SPHKAP: variants seen among roughly 807,000 people sequenced by gnomAD.
SPHKAP encodes the protein SPHK1 interactor, AKAP domain containing, also known as A-kinase anchor protein SPHKAP.
Under a neutral mutation model 137.5 loss-of-function variants are expected in SPHKAP, and 67 were observed. The ratio of observed to expected loss-of-function variants is 0.49; its 90% CI spans 0.40 to 0.60. The LOEUF (loss-of-function observed/expected upper bound fraction) is 0.60, where lower values mean the gene tolerates loss of function less well. Ranked by LOEUF, SPHKAP falls within the 20% of genes least tolerant of loss-of-function variation. The probability of loss-of-function intolerance (pLI) is 0.00; values close to 1 mark genes in which losing one functional copy is unlikely to be tolerated. For synonymous variants in SPHKAP, 813 were observed against 785.3 expected (o/e 1.04, Z -0.59); for missense variants, 2,097 against 2,069.3 (o/e 1.01, Z -0.26).
chr2:228,091,342 T>C (rs748436313), intron 3 of SPHKAP, among the ~76,000 whole-genome samples: 1 of 152,192 alleles, frequency 6.6e-6, no homozygotes, highest in Non-Finnish European at 1.5e-5. Context: ...AAACCCGTTC[T>C]AGACATTGGC....
At chr2:228,040,825 G>A (rs1695809247) in intron 3 of SPHKAP, among the ~76,000 whole-genome samples, 1 of 152,050 alleles carries the variant, frequency 6.6e-6, no homozygotes, top group African/African-American at 2.4e-5. Flanking sequence ...CATTTCATTT[G>A]AATCGAGGAT....
chr2:227,981,829 T>G lies in SPHKAP; in HGVS notation c.4991A>C (p.Lys1664Thr). ...FLDVVQLVHR[K>T]SWKVGDIFHA... The stretch of plus-strand genomic sequence containing the variant: ...GAAGATATCACCCACTTTCCAGGAC[T>G]TCCGATGAACCAGCTGCACGACATC... Residue 1664 changes from lysine to threonine, a missense_variant, in exon 12 of 12, where the codon AAG becomes ACG. Physicochemically the swap from Lys to Thr is moderately conservative, Grantham distance 78. Transcript: ENST00000392056. 6.2e-7 allele frequency: 1 copy of G among 1,613,710 alleles called. No homozygotes were observed. The highest frequency in any genetic ancestry group is 8.5e-7 in the Non-Finnish European group (1 of 1,179,752).
chr2:227,996,015 C>A, intron 7 of SPHKAP: 1 of 985,370 alleles, frequency 1.0e-6, no homozygotes, highest in Non-Finnish European at 1.2e-6. Context: ...AAAGAAGATA[C>A]ACAAAGCATT....
In SPHKAP at chr2:228,063,227, CCTGT is replaced by C. The variant is rs796323552; in HGVS notation, c.247-35688_247-35685del. ...ATCTATCTATTTACCTGTCTATCTA[CCTGT>C]CTATCTACCTACCTATCTGCCATTC... On this transcript the variant is annotated intron_variant, in intron 3 of 11. Transcript: ENST00000392056. Among the ~76,000 whole-genome samples the C allele has an allele frequency of 2.1e-4, 32 of 151,600 alleles. 1 individual carries two copies. The highest frequency in any genetic ancestry group is 7.5e-4 in the African/African-American group (31 of 41,282).
intron 2 of SPHKAP, among the ~76,000 whole-genome samples, chr2:228,114,272 A>C (rs10182542): frequency 0.34 from 52,338 of 152,046 alleles, 9,284 homozygotes; most frequent in East Asian, 0.5. Context: ...TTTGCTCTAC[A>C]TTACAGTTAC....
chr2:228,122,072 A>G (rs1406865464), intron 2 of SPHKAP, among the ~76,000 whole-genome samples: 1 of 152,110 alleles, frequency 6.6e-6, no homozygotes, highest in Non-Finnish European at 1.5e-5. Flanking sequence ...ACCGAAAGAT[A>G]AAAAGGAGAA....
chr2:228,019,979 T>TTTG lies in SPHKAP; in HGVS notation c.872_874dup (p.Thr291dup). ...ATCTAGACTCTGCAAGGCTGTGTTC[T>TTTG]TTGTTAGGTTTTCTGGAGATCGTTC... is the stretch of plus-strand genomic sequence containing the variant. On this transcript the variant is annotated inframe_insertion, in exon 7 of 12. Transcript: ENST00000392056. 6.2e-7 allele frequency: 1 copy of TTTG among 1,614,242 alleles called. No homozygotes were observed. Among genetic ancestry groups the TTTG allele is most frequent in the Non-Finnish European group, 8.5e-7 (1 of 1,180,042 alleles).
intron 1 of SPHKAP, among the ~76,000 whole-genome samples, chr2:228,140,800 A>ACAC (rs1383188206): frequency 6.6e-6 from 1 of 151,742 alleles, no homozygotes; most frequent in Admixed American, 6.6e-5. Context: ...AAAGTGGATG[A>ACAC]CACCCCCCTC....
chr2:228,091,986 C>A (rs1036564051), intron 3 of SPHKAP, among the ~76,000 whole-genome samples: 4 of 151,780 alleles, frequency 2.6e-5, no homozygotes, highest in African/African-American at 4.8e-5. Context: ...TACAGCAGCA[C>A]AATTCTCAGT....
intron 3 of SPHKAP, among the ~76,000 whole-genome samples, chr2:228,060,553 G>T (rs144048764): frequency 1.7e-3 from 255 of 152,270 alleles, no homozygotes; most frequent in African/African-American, 5.7e-3. Context: ...TTAATAATTG[G>T]ATACATTTTC....
chr2:228,035,483 T>C (rs1695550954), intron 3 of SPHKAP, among the ~76,000 whole-genome samples: 1 of 151,980 alleles, frequency 6.6e-6, no homozygotes, highest in Non-Finnish European at 1.5e-5. Context: ...TTCAATGCCA[T>C]CCCCATCAAG....
intron 3 of SPHKAP, among the ~76,000 whole-genome samples, chr2:228,040,917 G>T (rs994866623): frequency 1.3e-5 from 2 of 152,170 alleles, no homozygotes; most frequent in Admixed American, 1.3e-4. Context: ...TTAAAGAACT[G>T]CTAGTAGCAA....
chr2:228,145,626 A>T (rs2106392120), intron 1 of SPHKAP, among the ~76,000 whole-genome samples: 1 of 152,240 alleles, frequency 6.6e-6, no homozygotes, highest in South Asian at 2.1e-4. Flanking sequence ...AATTCCCATC[A>T]TGAATGCATT....
intron 2 of SPHKAP, among the ~76,000 whole-genome samples, chr2:228,121,116 C>G (rs999946568): frequency 2.6e-5 from 4 of 152,128 alleles, no homozygotes; most frequent in African/African-American, 4.8e-5. Flanking sequence ...ATGCAAAGTA[C>G]AGGTAGTGAA....
At chr2:227,995,769 T>G in intron 7 of SPHKAP, 75 bp from the exon 8 acceptor site, 1 of 1,422,410 alleles carries the variant, frequency 7.0e-7, no homozygotes, top group Non-Finnish European at 9.2e-7. Context: ...AGAGCCACTT[T>G]GTAGAGTCCC....
At position 228,169,881 on chromosome 2, in the gene SPHKAP, G is replaced by C. The variant is rs13010785; in HGVS notation, c.32+11686C>G. ...TAAAAAAAATTACAAGGGTATAGTT[G>C]CCATACATAGTGATTCCTCTGATGG... On this transcript the variant is annotated intron_variant, in intron 1 of 11. Transcript: ENST00000392056. 7.6e-3 allele frequency: 1,149 copies of C among 152,028 alleles called. 6 individuals are homozygous for C. The highest frequency in any genetic ancestry group is 9.4e-3 in the Non-Finnish European group (637 of 67,974). The allele number at this position is 152,028 out of a possible 1,614,324, so 9.4% of individuals were successfully genotyped here. A position where few individuals can be genotyped will look rare whatever the true frequency, so the allele number is the denominator to read the frequency against.
At chr2:228,132,690 T>C (rs547233920) in intron 1 of SPHKAP, 1 of 156,676 alleles carries the variant, frequency 6.4e-6, no homozygotes, top group African/African-American at 2.4e-5. Context: ...CAGAGCTGCA[T>C]AAATATTTTA....
chr2:227,998,482 C>G (rs1693720229), intron 7 of SPHKAP, among the ~76,000 whole-genome samples: 1 of 151,946 alleles, frequency 6.6e-6, no homozygotes. Context: ...AAACAAAAAG[C>G]AACAGCATAT....
At chr2:228,173,833 A>G (rs1263036525) in intron 1 of SPHKAP, among the ~76,000 whole-genome samples, 2 of 152,224 alleles carry the variant, frequency 1.3e-5, no homozygotes, top group East Asian at 1.9e-4. Flanking sequence ...TGTTTTTTGA[A>G]CTAACTTGTA....
Sources: gnomAD v4.1 joint callset for allele counts (sites outside exome capture counted in the v4.1 genomes callset) on GRCh38, gnomAD v4.1.1 for gene constraint, MANE v1.5 for transcripts, NCBI Gene and HGNC (gene_info 2026-07-23, HGNC 2026-07-21) for gene names.